ZEB1: variants seen among roughly 807,000 people sequenced by gnomAD.
ZEB1 encodes zinc finger E-box binding homeobox 1, also known as zinc finger E-box-binding homeobox 1.
In ZEB1, 21 loss-of-function variants were observed where a neutral mutation model predicts 84.9. That is an observed-to-expected ratio of 0.25 (90% CI 0.18 to 0.36). The LOEUF is 0.36. Ranked by LOEUF, ZEB1 falls within the 10% of genes least tolerant of loss-of-function variation. The pLI is 1.00. For synonymous variants in ZEB1, 420 were observed against 471.1 expected, an observed-to-expected ratio of 0.89 and a Z score of 1.41; for missense variants, 1,104 against 1,330.2, an observed-to-expected ratio of 0.83 and a Z score of 2.65.
intron 1 of ZEB1, among the ~76,000 whole-genome samples, chr10:31,393,470 A>G (rs1189800431): frequency 1.3e-5 from 2 of 152,222 alleles, no homozygotes; most frequent in Non-Finnish European, 2.9e-5. Context: ...TTAATTTAGA[A>G]AAGCTTAAAT....
chr10:31,330,819 T>A (rs553326118), intron 1 of ZEB1, among the ~76,000 whole-genome samples: 1 of 94,778 alleles, frequency 1.1e-5, no homozygotes, highest in South Asian at 4.6e-4. Context: ...TAATTCTTAT[T>A]TTAAGATAGT....
At chr10:31,390,733 T>G (rs2049488371) in intron 1 of ZEB1, among the ~76,000 whole-genome samples, 1 of 152,144 alleles carries the variant, frequency 6.6e-6, no homozygotes, top group Non-Finnish European at 1.5e-5. Context: ...AATGCAGGGA[T>G]TAGGCTTACT....
At chr10:31,522,627 C>T (rs2139845419) in intron 7 of ZEB1, among the ~76,000 whole-genome samples, 1 of 152,294 alleles carries the variant, frequency 6.6e-6, no homozygotes, top group South Asian at 2.1e-4. Flanking sequence ...CCAAAATCCA[C>T]AATAGTTTTG....
chr10:31,456,466 C>G (rs944670783), intron 1 of ZEB1, among the ~76,000 whole-genome samples: 1 of 152,052 alleles, frequency 6.6e-6, no homozygotes, highest in Admixed American at 6.6e-5. Flanking sequence ...TTATGAGATT[C>G]TAATGGTTAA....
chr10:31,325,758 CTG>C (rs1001405853), intron 1 of ZEB1, among the ~76,000 whole-genome samples: 1 of 151,786 alleles, frequency 6.6e-6, no homozygotes, highest in African/African-American at 2.4e-5. Flanking sequence ...TGAAAGTCCT[CTG>C]TTTTCTCTTT....
chr10:31,471,468 C>T (rs1338267766), intron 2 of ZEB1, among the ~76,000 whole-genome samples: 1 of 151,178 alleles, frequency 6.6e-6, no homozygotes, highest in African/African-American at 2.4e-5. Context: ...AGACGAAGGC[C>T]ATTACATAAT....
At chr10:31,485,138 T>G (rs758384352) in intron 2 of ZEB1, among the ~76,000 whole-genome samples, 2 of 151,960 alleles carry the variant, frequency 1.3e-5, no homozygotes. Flanking sequence ...TTTAATGAAT[T>G]AATTTGAGGT....
At chr10:31,503,633 G>T (rs2068476313) in intron 4 of ZEB1, among the ~76,000 whole-genome samples, 1 of 151,170 alleles carries the variant, frequency 6.6e-6, no homozygotes, top group African/African-American at 2.4e-5. Flanking sequence ...AGTTTTTTTT[G>T]AGAAATCTCC....
intron 4 of ZEB1, among the ~76,000 whole-genome samples, chr10:31,506,001 C>G (rs1177871377): frequency 6.6e-6 from 1 of 151,498 alleles, no homozygotes; most frequent in African/African-American, 2.4e-5. Context: ...TTTAAATTTT[C>G]CTCCTTATTT....
At chr10:31,517,890 TG>T (rs1479388067) in intron 6 of ZEB1, among the ~76,000 whole-genome samples, 1 of 152,132 alleles carries the variant, frequency 6.6e-6, no homozygotes, top group Non-Finnish European at 1.5e-5. Flanking sequence ...TACTTTTTAC[TG>T]ATGAGAAAAT....
At position 31,464,109 on chromosome 10, in the gene ZEB1, G is replaced by A. The variant is rs558254647; in HGVS notation, c.259+2872G>A. The stretch of plus-strand genomic sequence containing the variant: ...AATAGTAGGAATTTGAAATTCAGAG[G>A]ATACATTTAACAACAAATTAAACAG... On this transcript the variant is annotated intron_variant, in intron 2 of 8. Coordinates refer to ENST00000424869, the MANE Select transcript of ZEB1 (RefSeq NM_001174096.2). Among the ~76,000 whole-genome samples the A allele has an allele frequency of 3.0e-4, 45 of 152,166 alleles. 1 individual carries two copies. The South Asian group carries it at 9.4e-3, about 32-fold the overall frequency.
intron 1 of ZEB1, among the ~76,000 whole-genome samples, chr10:31,443,965 C>G (rs1342040114): frequency 5.3e-5 from 8 of 149,602 alleles, no homozygotes; most frequent in Non-Finnish European, 1.0e-4. Context: ...ATTTCTAGTT[C>G]TAGATCCCTG....
In ZEB1 at chr10:31,363,610, G is replaced by A. The variant is rs1319546603; in HGVS notation, c.58+44318G>A. The A allele has an allele frequency of 7.9e-6, 12 of 1,515,850 alleles. No individual in the cohort carries two copies. In the South Asian group the frequency reaches 9.6e-5, roughly 12 times the overall value. 93.9% of individuals were successfully genotyped at this position (1,515,850 alleles called of 1,614,324 possible). A position where few individuals can be genotyped will look rare whatever the true frequency, so the allele number is the denominator to read the frequency against. On this transcript the variant is annotated intron_variant, in intron 1 of 8. Transcript: ENST00000424869. ...CTCTTCTGCGCTCACCTCCGTCTTC[G>A]GGAGCCTGGCTGGGATCACCTGATC...
chr10:31,331,622 T>C (rs2036814671), intron 1 of ZEB1, among the ~76,000 whole-genome samples: 1 of 152,178 alleles, frequency 6.6e-6, no homozygotes, highest in East Asian at 1.9e-4. Flanking sequence ...TGGTAACTGA[T>C]GTGATATTCT....
chr10:31,383,238 T>G (rs922027866), intron 1 of ZEB1, among the ~76,000 whole-genome samples: 4 of 152,168 alleles, frequency 2.6e-5, no homozygotes, highest in Non-Finnish European at 5.9e-5. Context: ...GTGATTGCAC[T>G]ATCCAATATG....
intron 1 of ZEB1, chr10:31,321,426 A>G: frequency 6.2e-7 from 1 of 1,611,500 alleles, no homozygotes; most frequent in Non-Finnish European, 8.5e-7. Flanking sequence ...TGTTATAGCA[A>G]GGAGTGGAGC....
chr10:31,369,647 T>C lies in ZEB1; in HGVS notation c.58+50355T>C, dbSNP rs144364042. ...TCCGTATCCTGGCTATTGTAAATAATGCAACAATGAACATAGGAGTGCAGA... is the reference window on the plus strand; with the variant it reads ...TCCGTATCCTGGCTATTGTAAATAACGCAACAATGAACATAGGAGTGCAGA... On this transcript the variant is annotated intron_variant, in intron 1 of 8. Coordinates refer to ENST00000424869, the MANE Select transcript of ZEB1 (RefSeq NM_001174096.2). Among the ~76,000 whole-genome samples, 293 of 152,364 alleles carry C rather than the reference T, an allele frequency of 1.9e-3. 2 individuals are homozygous for C. Among genetic ancestry groups the C allele is most frequent in the African/African-American group, 6.8e-3 (283 of 41,580 alleles).
intron 1 of ZEB1, among the ~76,000 whole-genome samples, chr10:31,409,660 ATTTG>A (rs1239098687): frequency 6.6e-6 from 1 of 152,124 alleles, no homozygotes; most frequent in African/African-American, 2.4e-5. Flanking sequence ...ATGTTTTTCC[ATTTG>A]TTTGTGTCCT....
intron 1 of ZEB1, among the ~76,000 whole-genome samples, chr10:31,416,396 A>T (rs900482522): frequency 6.6e-6 from 1 of 152,108 alleles, no homozygotes; most frequent in African/African-American, 2.4e-5. Flanking sequence ...TTACCCTCAG[A>T]TGATGTTGTG....
Sources: gnomAD v4.1 joint callset for allele counts (sites outside exome capture counted in the v4.1 genomes callset) on GRCh38, gnomAD v4.1.1 for gene constraint, MANE v1.5 for transcripts, NCBI Gene and HGNC (gene_info 2026-07-23, HGNC 2026-07-21) for gene names.